The following TMEM242 variants were observed in gnomAD, a reference collection of about 807,000 sequenced individuals.
TMEM242 encodes the protein UPF0463 transmembrane protein C6orf35.
In TMEM242, 10 loss-of-function variants were observed where a neutral mutation model predicts 18.2. The observed-to-expected ratio is 0.55, with a 90% CI of 0.34 to 0.93. TMEM242 has a LOEUF of 0.93. Ranked by LOEUF, TMEM242 falls within the 40% of genes least tolerant of loss-of-function variation. TMEM242 has a pLI of 0.02. For synonymous variants in TMEM242, 57 were observed against 69.9 expected (o/e 0.81, Z 0.92); for missense variants, 186 against 175.5 (o/e 1.06, Z -0.34).
intron 3 of TMEM242, among the ~76,000 whole-genome samples, chr6:157,310,272 T>A (rs1167856899): frequency 1.3e-5 from 2 of 150,876 alleles, no homozygotes; most frequent in East Asian, 3.9e-4. Context: ...AGTTAGGGAA[T>A]TGCCACTTAG....
In TMEM242 at chr6:157,318,783, C is replaced by G; in HGVS notation, c.326G>C (p.Ser109Thr). The G allele has an allele frequency of 1.2e-6, 2 of 1,614,044 alleles. No homozygotes were observed. The highest frequency in any genetic ancestry group is 2.2e-5 in the East Asian group (1 of 44,886). ...FAVWKALGVH[S>T]MNDFRSKMQS... ...AGGGACAAGACAGTAGTTACTTACA[C>G]TGTGAACTCCTAAAGCTTTCCAGAC... The change falls in exon 3 of 4, where the codon AGT becomes ACT. Residue 109 changes from serine to threonine, a missense_variant and splice_region_variant. By Grantham distance (58) the Ser-to-Thr change is moderately conservative (BLOSUM62 1). Transcript: ENST00000400788.
chr6:157,320,848 G>T (rs1778483771), intron 2 of TMEM242, among the ~76,000 whole-genome samples: 1 of 152,110 alleles, frequency 6.6e-6, no homozygotes, highest in South Asian at 2.1e-4. Flanking sequence ...TTTATTCATT[G>T]TTAAGATGTC....
chr6:157,320,822 G>C (rs1778483534), intron 2 of TMEM242, among the ~76,000 whole-genome samples: 3 of 152,108 alleles, frequency 2.0e-5, no homozygotes, highest in Admixed American at 6.5e-5. Flanking sequence ...TTGTTTGCTT[G>C]AAAAGACAAG....
chr6:157,323,079 G>A (rs1305043323), intron 1 of TMEM242, among the ~76,000 whole-genome samples: 2 of 152,264 alleles, frequency 1.3e-5, no homozygotes, highest in Non-Finnish European at 1.5e-5. Flanking sequence ...CCTCTCCCCT[G>A]GGACCACAGC....
chr6:157,323,338 T>A, intron 1 of TMEM242, 74 bp downstream of exon 1: 1 of 1,495,934 alleles, frequency 6.7e-7, no homozygotes, highest in Non-Finnish European at 9.2e-7. Context: ...TGTGTGGGAA[T>A]GCCCGCTCCA....
rs782644018 is a variant in TMEM242, at chr6:157,318,842, A to C, written c.267T>G (p.Tyr89Ter). ...TAATCACACCAACCCCACACCATGC[A>C]TACAGGGAGCCCCAGCCCAGAGCTC... ...ALRALGWGSL[Y>*]AWCGVGVISF... is the part of the protein sequence containing the mutation. Residue 89 changes from tyrosine to a stop codon, truncating the protein, a stop_gained, in exon 3 of 4, where the codon TAT (tyrosine) becomes TAG (stop). Coordinates refer to ENST00000400788, the MANE Select transcript of TMEM242 (RefSeq NM_018452.6). LOFTEE classifies it high-confidence loss of function. The C allele has an allele frequency of 6.2e-7, 1 of 1,613,984 alleles. No homozygotes were observed. The highest frequency in any genetic ancestry group is 8.5e-7 in the Non-Finnish European group (1 of 1,179,992).
At chr6:157,319,003 G>A in intron 2 of TMEM242, 84 bp from the exon 3 acceptor site, 1 of 1,378,536 alleles carries the variant, frequency 7.3e-7, no homozygotes, top group Non-Finnish European at 9.7e-7. Flanking sequence ...ATTCCTCTCT[G>A]TGCAAACAAC....
intron 3 of TMEM242, among the ~76,000 whole-genome samples, chr6:157,315,895 T>A (rs1227203989): frequency 6.6e-6 from 1 of 152,220 alleles, no homozygotes; most frequent in African/African-American, 2.4e-5. Flanking sequence ...TGTATGTTTG[T>A]ATTTAATGTA....
In TMEM242 at chr6:157,318,757, C is replaced by T. The variant is rs587674435; in HGVS notation, c.327+25G>A. 5.0e-6 allele frequency: 8 copies of T among 1,612,572 alleles called. 1 individual carries two copies. In the South Asian group the frequency reaches 7.7e-5, roughly 16 times the overall value. ...GTAAGCAGAATAAACATGTAGATAC[C>T]AGGGACAAGACAGTAGTTACTTACA... is the stretch of plus-strand genomic sequence containing the variant. On this transcript the variant is annotated intron_variant, in intron 3 of 3. Transcript: ENST00000400788.
At chr6:157,321,615 A>C (rs1285633452) in intron 2 of TMEM242, among the ~76,000 whole-genome samples, 1 of 152,184 alleles carries the variant, frequency 6.6e-6, no homozygotes, top group East Asian at 1.9e-4. Flanking sequence ...GGTTCTGTGG[A>C]CTGCAGTTTG....
intron 3 of TMEM242, among the ~76,000 whole-genome samples, chr6:157,313,070 C>T (rs1554249596): frequency 7.5e-6 from 1 of 133,630 alleles, no homozygotes; most frequent in Admixed American, 7.7e-5. Context: ...ATCATAGGGT[C>T]CCAGTATGCA....
At chr6:157,317,337 C>T (rs1396817431) in intron 3 of TMEM242, among the ~76,000 whole-genome samples, 1 of 152,174 alleles carries the variant, frequency 6.6e-6, no homozygotes, top group African/African-American at 2.4e-5. Flanking sequence ...CCTCATCTTA[C>T]GTAACTTATC....
intron 3 of TMEM242, among the ~76,000 whole-genome samples, chr6:157,301,786 G>A (rs1180076723): frequency 6.6e-6 from 1 of 152,050 alleles, no homozygotes. Flanking sequence ...ACAAAAATTA[G>A]CCGGGTGTGG....
intron 3 of TMEM242, among the ~76,000 whole-genome samples, chr6:157,310,352 C>A (rs1056725161): frequency 1.3e-5 from 2 of 149,494 alleles, no homozygotes; most frequent in Non-Finnish European, 3.0e-5. Flanking sequence ...GATAAAACAA[C>A]TGAATCATAG....
intron 3 of TMEM242, among the ~76,000 whole-genome samples, chr6:157,316,718 TAAA>T (rs1465469213): frequency 6.6e-6 from 1 of 150,934 alleles, no homozygotes; most frequent in Non-Finnish European, 1.5e-5. Flanking sequence ...CTACAAAAAA[TAAA>T]AAAAATGAGC....
At chr6:157,294,035 A>G (rs910895968) in intron 3 of TMEM242, among the ~76,000 whole-genome samples, 34 of 152,142 alleles carry the variant, frequency 2.2e-4, no homozygotes, top group African/African-American at 7.7e-4. Flanking sequence ...AGATCTTAAC[A>G]TGCAGTGTCA....
chr6:157,295,229 G>T (rs1777736051), intron 3 of TMEM242, among the ~76,000 whole-genome samples: 1 of 151,990 alleles, frequency 6.6e-6, no homozygotes, highest in African/African-American at 2.4e-5. Flanking sequence ...CAGTGTTCTG[G>T]ACCCAGACAC....
intron 3 of TMEM242, chr6:157,300,082 G>T: frequency 1.4e-6 from 1 of 708,800 alleles, no homozygotes. Flanking sequence ...CTCCTGCCGA[G>T]CTCACTCTCC....
intron 3 of TMEM242, among the ~76,000 whole-genome samples, chr6:157,301,322 AC>A (rs1247054165): frequency 3.4e-5 from 5 of 148,510 alleles, no homozygotes; most frequent in African/African-American, 7.3e-5. Flanking sequence ...AAAAGCTATT[AC>A]TTTTTTTTTT....
Sources: allele counts gnomAD v4.1 joint callset (sites outside exome capture counted in the v4.1 genomes callset), GRCh38; gene constraint gnomAD v4.1.1; transcripts MANE v1.5; gene names NCBI Gene and HGNC (gene_info 2026-07-23, HGNC 2026-07-21).